The following MSRA variants were observed in gnomAD, a reference collection of about 807,000 sequenced individuals.
MSRA encodes the protein methionine sulfoxide reductase A, also known as mitochondrial peptide methionine sulfoxide reductase.
Under a neutral mutation model 31.3 loss-of-function variants are expected in MSRA, and 54 were observed. The ratio of observed to expected loss-of-function variants is 1.73; its 90% CI spans 1.39 to 2.17. The LOEUF (loss-of-function observed/expected upper bound fraction) is 2.17, where lower values mean the gene tolerates loss of function less well. MSRA is among the 30% of genes most tolerant of loss of function. The pLI is 0.00. For synonymous variants in MSRA, 169 were observed against 116.5 expected, an observed-to-expected ratio of 1.45 and a Z score of -2.90; for missense variants, 507 against 300.9, an observed-to-expected ratio of 1.69 and a Z score of -5.07.
At chr8:10,350,284 T>G (rs1025670642) in intron 5 of MSRA, among the ~76,000 whole-genome samples, 1 of 152,264 alleles carries the variant, frequency 6.6e-6, no homozygotes, top group Admixed American at 6.5e-5. Context: ...TGAGAAACTT[T>G]CTGTTTTATA....
chr8:10,083,646 T>C (rs557435181), intron 1 of MSRA, among the ~76,000 whole-genome samples: 22 of 152,340 alleles, frequency 1.4e-4, no homozygotes, highest in Non-Finnish European at 2.9e-4. Flanking sequence ...AGTTTTTTAG[T>C]CTTTTAAACT....
At chr8:10,308,992 G>A (rs1037229306) in intron 4 of MSRA, among the ~76,000 whole-genome samples, 10 of 152,192 alleles carry the variant, frequency 6.6e-5, no homozygotes, top group East Asian at 1.9e-4. Flanking sequence ...CTCCAGGATC[G>A]AGGAGAGCAA....
chr8:10,367,957 G>A (rs1805262419), intron 5 of MSRA, among the ~76,000 whole-genome samples: 2 of 152,168 alleles, frequency 1.3e-5, no homozygotes, highest in South Asian at 4.1e-4. Flanking sequence ...TGACAGGAGG[G>A]GACTTGTGGG....
intron 3 of MSRA, among the ~76,000 whole-genome samples, chr8:10,292,257 G>A (rs762974757): frequency 9.8e-5 from 15 of 152,286 alleles, no homozygotes; most frequent in African/African-American, 2.4e-4. Context: ...TGCCCCGTCC[G>A]GATGAAGGAT....
At chr8:10,215,396 T>C (rs1463900217) in intron 2 of MSRA, among the ~76,000 whole-genome samples, 1 of 152,174 alleles carries the variant, frequency 6.6e-6, no homozygotes, top group Non-Finnish European at 1.5e-5. Flanking sequence ...TGTCAGGAAA[T>C]GATGCATTGG....
chr8:10,099,361 A>T (rs1013384699), intron 1 of MSRA, among the ~76,000 whole-genome samples: 4 of 152,160 alleles, frequency 2.6e-5, no homozygotes, highest in South Asian at 2.1e-4. Context: ...CTCCCAGAGG[A>T]CTTGCTCTGT....
chr8:10,339,376 T>G (rs188064414), intron 5 of MSRA, among the ~76,000 whole-genome samples: 1 of 152,324 alleles, frequency 6.6e-6, no homozygotes, highest in African/African-American at 2.4e-5. Context: ...CCAAAACTTA[T>G]GATTCAGGTC....
At chr8:10,077,752 C>A (rs947851825) in intron 1 of MSRA, among the ~76,000 whole-genome samples, 1 of 152,146 alleles carries the variant, frequency 6.6e-6, no homozygotes, top group African/African-American at 2.4e-5. Context: ...ACAGTCCTGT[C>A]CTTCTGGAAG....
intron 5 of MSRA, among the ~76,000 whole-genome samples, chr8:10,381,849 G>T (rs1043219020): frequency 6.6e-6 from 1 of 152,134 alleles, no homozygotes; most frequent in East Asian, 1.9e-4. Context: ...TTAGGGACTG[G>T]AAAAATCACC....
At chr8:10,421,944 G>T (rs568277578) in intron 5 of MSRA, among the ~76,000 whole-genome samples, 1 of 152,194 alleles carries the variant, frequency 6.6e-6, no homozygotes, top group African/African-American at 2.4e-5. Context: ...TCACCCCTGG[G>T]TGGGGATTTT....
intron 1 of MSRA, among the ~76,000 whole-genome samples, chr8:10,153,992 CT>C (rs1179525035): frequency 6.6e-6 from 1 of 152,088 alleles, no homozygotes; most frequent in Non-Finnish European, 1.5e-5. Context: ...TATTCAATGC[CT>C]TGTGGTCAAA....
intron 1 of MSRA, among the ~76,000 whole-genome samples, chr8:10,074,229 C>T (rs1194004146): frequency 2.0e-5 from 3 of 151,596 alleles, no homozygotes; most frequent in Admixed American, 1.3e-4. Flanking sequence ...ACTACATGCA[C>T]CCGCCACCAT....
rs566196836 is a variant in MSRA at position 10,420,786 on chromosome 8, A to C, written c.544-7362A>C. Among the ~76,000 whole-genome samples the C allele has an allele frequency of 2.6e-5, 4 of 152,272 alleles. 1 individual carries two copies. The East Asian group carries it at 7.7e-4, about 29-fold the overall frequency. On this transcript the variant is annotated intron_variant, in intron 5 of 5. Transcript: ENST00000317173. ...GTTCAGAAAGATGAAAAAGTTCTAG[A>C]GATAGTAGTGATAGTTGTACAACAA...
At chr8:10,335,038 C>T (rs762003967) in intron 5 of MSRA, among the ~76,000 whole-genome samples, 1 of 152,190 alleles carries the variant, frequency 6.6e-6, no homozygotes, top group Non-Finnish European at 1.5e-5. Context: ...GCCATGGCCC[C>T]GTGCAGGTAG....
chr8:10,091,254 T>A lies in MSRA; in HGVS notation c.142+36596T>A, dbSNP rs1585126017. 2.6e-5 allele frequency among the ~76,000 whole-genome samples: 4 copies of A among 152,244 alleles called. No individual in the cohort carries two copies. In the East Asian group the frequency reaches 7.7e-4, roughly 29 times the overall value. On this transcript the variant is annotated intron_variant, in intron 1 of 5. Transcript: ENST00000317173. ...CTGTAGTGCTTTAAATTTTTACTTA[T>A]GTTCATTATTCACATTTAAAAAGTG...
At chr8:10,124,757 GGTTGA>G (rs1801382289) in intron 1 of MSRA, among the ~76,000 whole-genome samples, 1 of 151,096 alleles carries the variant, frequency 6.6e-6, no homozygotes, top group South Asian at 2.1e-4. Context: ...ATTTTTTTTT[GGTTGA>G]GTTAAACATT....
chr8:10,171,784 A>G (rs1415880961), intron 1 of MSRA, among the ~76,000 whole-genome samples: 1 of 152,258 alleles, frequency 6.6e-6, no homozygotes, highest in Non-Finnish European at 1.5e-5. Context: ...TGTACAAAGT[A>G]TCAGTCATTG....
chr8:10,124,911 T>C (rs1368772745), intron 1 of MSRA, among the ~76,000 whole-genome samples: 1 of 152,240 alleles, frequency 6.6e-6, no homozygotes, highest in African/African-American at 2.4e-5. Flanking sequence ...TGTATTTTAT[T>C]ATTTAGAAAG....
intron 3 of MSRA, among the ~76,000 whole-genome samples, chr8:10,257,124 C>G (rs1563277022): frequency 6.6e-6 from 1 of 152,156 alleles, no homozygotes; most frequent in Non-Finnish European, 1.5e-5. Flanking sequence ...TGCTCGTAGA[C>G]AAACAAGGAT....
Sources: allele counts gnomAD v4.1 joint callset (sites outside exome capture counted in the v4.1 genomes callset), GRCh38; gene constraint gnomAD v4.1.1; transcripts MANE v1.5; gene names NCBI Gene and HGNC (gene_info 2026-07-23, HGNC 2026-07-21).